Variants in MORF4L1 observed in about 807,000 individuals in gnomAD.
MORF4L1 encodes mortality factor 4-like protein 1.
MORF4L1 carries 4 observed loss-of-function variants against 52.9 expected under a neutral mutation model. That is an observed-to-expected ratio of 0.08 (90% CI 0.04 to 0.17). The LOEUF is 0.17. MORF4L1 is among the 10% of genes least tolerant of loss of function. The probability of loss-of-function intolerance (pLI) is 1.00; values close to 1 mark genes in which losing one functional copy is unlikely to be tolerated. For synonymous variants in MORF4L1, 123 were observed against 134.8 expected (o/e 0.91, Z 0.61); for missense variants, 214 against 390.4 (o/e 0.55, Z 3.81).
chr15:78,878,919 GTTTAA>G (rs2056546434), intron 2 of MORF4L1, among the ~76,000 whole-genome samples: 1 of 152,030 alleles, frequency 6.6e-6, no homozygotes, highest in Admixed American at 6.5e-5. Context: ...ACAGTATAAT[GTTTAA>G]TTTATGTAAT....
intron 10 of MORF4L1, 77 bp from the exon 11 acceptor site, chr15:78,894,743 G>T: frequency 9.1e-7 from 1 of 1,094,656 alleles, no homozygotes; most frequent in Non-Finnish European, 1.4e-6. Flanking sequence ...GGTGGTGTTT[G>T]CTCACATAAT....
intron 11 of MORF4L1, 53 bp from the exon 12 acceptor site, chr15:78,896,930 T>G: frequency 7.3e-7 from 1 of 1,370,764 alleles, no homozygotes; most frequent in East Asian, 2.4e-5. Context: ...GGAAGAGATT[T>G]GGATCAAGAT....
chr15:78,894,154 T>C lies in MORF4L1; in HGVS notation c.726T>C (p.Tyr242=), dbSNP rs1449806185. The C allele has an allele frequency of 1.2e-6, 2 of 1,614,090 alleles. No individual in the cohort carries two copies. The highest frequency in any genetic ancestry group is 1.3e-5 in the African/African-American group (1 of 75,048). Reference sequence around the variant, plus strand: ...TCTATAAATTTGAGAGACCACAGTATGCTGAAATTCTTGCAGATCATCCCG... The same window carrying C: ...TCTATAAATTTGAGAGACCACAGTACGCTGAAATTCTTGCAGATCATCCCG... The part of the protein sequence containing the change: ...QLLYKFERPQ[Y]AEILADHPDA... Residue 242 remains tyrosine (Y), a synonymous_variant, in exon 10 of 12, where the codon TAT becomes TAC. Transcript: ENST00000426013.
chr15:78,888,600 C>G (rs1288589640), intron 5 of MORF4L1, among the ~76,000 whole-genome samples: 2 of 151,976 alleles, frequency 1.3e-5, no homozygotes, highest in Non-Finnish European at 2.9e-5. Flanking sequence ...TCTGATTTTT[C>G]TACTTAAAAG....
intron 3 of MORF4L1, among the ~76,000 whole-genome samples, chr15:78,883,359 C>T (rs1002851578): frequency 1.3e-5 from 2 of 152,102 alleles, no homozygotes; most frequent in African/African-American, 4.8e-5. Flanking sequence ...GTGCTTAGTT[C>T]TTTTTCACAT....
At chr15:78,896,957 T>G in intron 11 of MORF4L1, 26 bp from the exon 12 acceptor site, 1 of 1,594,300 alleles carries the variant, frequency 6.3e-7, no homozygotes, top group Non-Finnish European at 8.6e-7. Flanking sequence ...CTTTAAAAAT[T>G]TTTGTAATGA....
In MORF4L1 at chr15:78,875,747, T is replaced by A. The variant is rs138604604; in HGVS notation, c.41-2466T>A. 7.4e-3 allele frequency among the ~76,000 whole-genome samples: 1,117 copies of A among 150,374 alleles called. 10 individuals carry two copies. The highest frequency in any genetic ancestry group is 0.011 in the Non-Finnish European group (740 of 67,770). ...GTTGCAGTAGGCCGAGATCCTGCCATCGCACTCCAGCCTGGGCCACAGAGT... is the reference window on the plus strand; with the variant it reads ...GTTGCAGTAGGCCGAGATCCTGCCAACGCACTCCAGCCTGGGCCACAGAGT... On this transcript the variant is annotated intron_variant, in intron 1 of 11. Transcript: ENST00000426013.
At chr15:78,892,153 C>T in intron 7 of MORF4L1, 59 bp from the exon 8 acceptor site, 1 of 1,223,522 alleles carries the variant, frequency 8.2e-7, no homozygotes, top group Non-Finnish European at 1.2e-6. Context: ...AGCTCCCCTC[C>T]ATGTTTGGTA....
rs113784794 is a variant in MORF4L1, at chr15:78,879,760, A to G, written c.88-752A>G. Among the ~76,000 whole-genome samples, 133 of 150,490 alleles carry G rather than the reference A, an allele frequency of 8.8e-4. 1 individual carries two copies. Among genetic ancestry groups the G allele is most frequent in the African/African-American group, 3.1e-3 (125 of 40,778 alleles). The stretch of plus-strand genomic sequence containing the variant: ...TGAGATCAGTCTGGGCAAGATAGCA[A>G]GACTGTCTCTACCAAAAAAAAAAAA... On this transcript the variant is annotated intron_variant, in intron 2 of 11. Coordinates refer to ENST00000426013, the MANE Select transcript of MORF4L1 (RefSeq NM_006791.4).
chr15:78,878,597 A>G (rs2056539959), intron 2 of MORF4L1, among the ~76,000 whole-genome samples: 1 of 151,386 alleles, frequency 6.6e-6, no homozygotes, highest in South Asian at 2.1e-4. Flanking sequence ...TAAAAGTAAT[A>G]TATGCTGAGT....
In MORF4L1 at chr15:78,886,299, T is replaced by C; in HGVS notation, c.242+72T>C. The C allele has an allele frequency of 2.3e-6, 3 of 1,312,744 alleles. No individual in the cohort carries two copies. The South Asian group carries it at 3.5e-5, about 16-fold the overall frequency. 81.3% of individuals were successfully genotyped at this position (1,312,744 alleles called of 1,614,324 possible). Reference sequence around the variant, plus strand: ...TTAATTCTGGACATGGAATGAACAATGGAGATCATGTTGGCTGCCCTGCCT... The same window carrying C: ...TTAATTCTGGACATGGAATGAACAACGGAGATCATGTTGGCTGCCCTGCCT... On this transcript the variant is annotated intron_variant, in intron 4 of 11. Transcript: ENST00000426013.
chr15:78,882,374 A>G (rs1014799581), intron 3 of MORF4L1, among the ~76,000 whole-genome samples: 2 of 152,230 alleles, frequency 1.3e-5, no homozygotes, highest in African/African-American at 2.4e-5. Flanking sequence ...TAATAATGAT[A>G]GGTAACTCCA....
In MORF4L1 at chr15:78,887,220, TCACATAAA is replaced by T; in HGVS notation, c.243-48_243-41del. The T allele has an allele frequency of 2.0e-6, 3 of 1,498,016 alleles. No individual in the cohort carries two copies. The Admixed American group carries it at 6.4e-5, about 32-fold the overall frequency. 92.8% of individuals were successfully genotyped at this position (1,498,016 alleles called of 1,614,324 possible). On this transcript the variant is annotated intron_variant, in intron 4 of 11. Coordinates refer to ENST00000426013, the MANE Select transcript of MORF4L1 (RefSeq NM_006791.4). ...TGGAATCAGGCTGACAATTTTTTTT[TCACATAAA>T]TGCTCATTTTATGTTGACATTACTG...
intron 10 of MORF4L1, chr15:78,894,506 T>TC (rs1318615984): frequency 2.7e-6 from 1 of 370,010 alleles, no homozygotes; most frequent in Non-Finnish European, 4.9e-6. Flanking sequence ...CCTCCTGGGT[T>TC]CAACAATTCT....
intron 4 of MORF4L1, 177 bp downstream of exon 4, chr15:78,886,404 A>AGT: frequency 1.6e-6 from 1 of 617,172 alleles, no homozygotes; most frequent in Non-Finnish European, 3.0e-6. Flanking sequence ...AGGTAAAGGA[A>AGT]GTAGCATACC....
intron 4 of MORF4L1, 104 bp downstream of exon 4, chr15:78,886,331 T>C (rs2056702844): frequency 2.0e-6 from 2 of 981,004 alleles, no homozygotes; most frequent in Admixed American, 3.8e-5. Flanking sequence ...GCCTATAAAA[T>C]GATTCCTGGT....
chr15:78,893,393 A>G (rs918050877), intron 8 of MORF4L1, 146 bp from the exon 9 acceptor site: 7 of 584,414 alleles, frequency 1.2e-5, no homozygotes, highest in African/African-American at 7.6e-5. Context: ...TCTCAGCCAC[A>G]TTATCCATGT....
chr15:78,874,360 A>G (rs2056437505), intron 1 of MORF4L1, among the ~76,000 whole-genome samples: 1 of 151,982 alleles, frequency 6.6e-6, no homozygotes, highest in Admixed American at 6.6e-5. Context: ...TTTTAGGGGT[A>G]TTTTGTTAAT....
chr15:78,893,480 G>C, intron 8 of MORF4L1, 59 bp from the exon 9 acceptor site: 7 of 1,147,090 alleles, frequency 6.1e-6, no homozygotes, highest in Non-Finnish European at 9.2e-6. Flanking sequence ...AACTTGCCTG[G>C]TATGATTTTT....
Sources: allele counts gnomAD v4.1 joint callset (sites outside exome capture counted in the v4.1 genomes callset), GRCh38; gene constraint gnomAD v4.1.1; transcripts MANE v1.5; gene names NCBI Gene and HGNC (gene_info 2026-07-23, HGNC 2026-07-21).